PEX13: variants seen among roughly 807,000 people sequenced by gnomAD.
PEX13 encodes peroxisomal biogenesis factor 13.
A neutral mutation model predicts 34.5 loss-of-function variants in PEX13; 28 were observed. The ratio of observed to expected loss-of-function variants is 0.81; its 90% CI spans 0.60 to 1.11. PEX13 has a LOEUF of 1.11. Among genes scored for constraint, PEX13 ranks in the 50% most tolerant of loss-of-function variants. PEX13 has a pLI of 0.00. For missense variants in PEX13, 550 were observed against 491.0 expected (o/e 1.12, Z -1.13); for synonymous variants, 177 against 175.1 (o/e 1.01, Z -0.09).
Position 61,031,891 on chromosome 2 carries a change from C to T in PEX13, c.565C>T (p.Arg189Trp), listed in dbSNP as rs771451906. The change falls in exon 2 of 4, where the codon CGG becomes TGG. Residue 189 changes from arginine to tryptophan, a missense_variant. Transcript: ENST00000295030. ...FSAFALVRTI[R>W]YLYRRLQRML... Reference sequence around the variant, plus strand: ...AGCTTTTGCATTGGTTAGGACTATACGGTATCTTTACAGACGGCTACAGCG... The same window carrying T: ...AGCTTTTGCATTGGTTAGGACTATATGGTATCTTTACAGACGGCTACAGCG... 45 of 1,612,948 alleles carry T rather than the reference C, an allele frequency of 2.8e-5. No homozygotes were observed. The highest frequency in any genetic ancestry group is 9.9e-5 in the South Asian group (9 of 91,056).
intron 1 of PEX13, chr2:61,018,392 C>A: frequency 7.1e-7 from 1 of 1,401,760 alleles, no homozygotes. Flanking sequence ...GGAGAAGCAA[C>A]TTTAAAGCAG....
intron 3 of PEX13, among the ~76,000 whole-genome samples, chr2:61,046,370 G>A: frequency 6.6e-6 from 1 of 152,164 alleles, no homozygotes; most frequent in East Asian, 1.9e-4. Context: ...CCAAGTCACT[G>A]ATACTTTTTA....
At chr2:61,019,495 A>G (rs1399719144) in intron 1 of PEX13, among the ~76,000 whole-genome samples, 1 of 152,076 alleles carries the variant, frequency 6.6e-6, no homozygotes, top group Non-Finnish European at 1.5e-5. Context: ...AATCCTGTCT[A>G]CCTAGATCAG....
intron 1 of PEX13, among the ~76,000 whole-genome samples, chr2:61,025,355 TATC>T (rs1354286265): frequency 6.6e-6 from 1 of 150,524 alleles, no homozygotes; most frequent in Non-Finnish European, 1.5e-5. Flanking sequence ...TTATTATTAT[TATC>T]ATTATTATTA....
At position 61,049,359 on chromosome 2, in the gene PEX13, C is replaced by T. The variant is rs1680759560; in HGVS notation, c.*589C>T. ...TTTGAAAAGGTCACCCAGAAGCATT[C>T]TGAAGGAAATGGTTCTAGAATTATA... On this transcript the variant is annotated 3_prime_UTR_variant, in exon 4 of 4. Transcript: ENST00000295030. The T allele has an allele frequency of 6.5e-6, 1 of 153,038 alleles. No individual in the cohort carries two copies. The highest frequency in any genetic ancestry group is 2.4e-5 in the African/African-American group (1 of 41,454). The allele number at this position is 153,038 out of a possible 1,614,324, so 9.5% of individuals were successfully genotyped here.
intron 1 of PEX13, chr2:61,018,226 G>T: frequency 1.3e-6 from 2 of 1,551,022 alleles, no homozygotes; most frequent in East Asian, 2.4e-5. Context: ...CATTTGTCCA[G>T]CCACGGCATC....
At position 61,017,731 on chromosome 2, in the gene PEX13, G is replaced by A. The variant is rs1680098372; in HGVS notation, c.-29G>A. On this transcript the variant is annotated 5_prime_UTR_variant, in exon 1 of 4. Transcript: ENST00000295030. ...ACGCGGGCCTGGACAGTCAGGGGTA[G>A]GAGCGGGAGCCGAGAGGAGGCGGAG... 2.6e-6 allele frequency: 4 copies of A among 1,539,022 alleles called. No homozygotes were observed. The highest frequency in any genetic ancestry group is 3.5e-6 in the Non-Finnish European group (4 of 1,138,164).
At chr2:61,035,980 T>C (rs1271277454) in intron 2 of PEX13, among the ~76,000 whole-genome samples, 1 of 133,324 alleles carries the variant, frequency 7.5e-6, no homozygotes, top group Non-Finnish European at 1.6e-5. Flanking sequence ...CGAAACTCCA[T>C]CTTAAAAAAA....
chr2:61,044,916 G>T (rs1261286185), intron 2 of PEX13, among the ~76,000 whole-genome samples: 1 of 152,322 alleles, frequency 6.6e-6, no homozygotes, highest in Admixed American at 6.5e-5. Flanking sequence ...TACAATGCCA[G>T]AGCATTTTTT....
intron 2 of PEX13, among the ~76,000 whole-genome samples, chr2:61,035,796 C>T (rs1680525402): frequency 6.6e-6 from 1 of 151,962 alleles, no homozygotes; most frequent in African/African-American, 2.4e-5. Flanking sequence ...CCAGCCTGAC[C>T]AACATGGAGA....
At chr2:61,029,760 T>TA (rs1491192526) in intron 1 of PEX13, among the ~76,000 whole-genome samples, 1 of 151,044 alleles carries the variant, frequency 6.6e-6, no homozygotes, top group Non-Finnish European at 1.5e-5. Flanking sequence ...TGCGGTGAGC[T>TA]ATGATCATGC....
In PEX13 at chr2:61,049,286, C is replaced by T. The variant is rs1034986831; in HGVS notation, c.*516C>T. 2 of 153,354 alleles carry T rather than the reference C, an allele frequency of 1.3e-5. No individual in the cohort carries two copies. Among genetic ancestry groups the T allele is most frequent in the African/African-American group, 2.4e-5 (1 of 41,294 alleles). 9.5% of individuals were successfully genotyped at this position (153,354 alleles called of 1,614,324 possible). On this transcript the variant is annotated 3_prime_UTR_variant, in exon 4 of 4. Coordinates refer to ENST00000295030, the MANE Select transcript of PEX13 (RefSeq NM_002618.4). ...CCAGTGTTGGGTTTATATTTTCACC[C>T]ACAAACAACTGACACTGCTATCTTT...
intron 2 of PEX13, among the ~76,000 whole-genome samples, chr2:61,037,789 TAAA>T (rs1559040023): frequency 6.6e-6 from 1 of 151,842 alleles, no homozygotes; most frequent in East Asian, 1.9e-4. Flanking sequence ...GATAGAGACA[TAAA>T]AAACCCTTCA....
Position 61,031,538 on chromosome 2 carries a change from T to G in PEX13, c.212T>G (p.Phe71Cys). The change falls in exon 2 of 4, where the codon TTT (phenylalanine) becomes TGT (cysteine). Residue 71 changes from phenylalanine to cysteine, a missense_variant. Coordinates refer to ENST00000295030, the MANE Select transcript of PEX13 (RefSeq NM_002618.4). ...QQTGSSSVNT[F>C]RPAYSSFSSG... The stretch of plus-strand genomic sequence containing the variant: ...ACAGGAAGTAGCAGTGTGAACACTT[T>G]TAGACCTGCTTACAGTTCATTTTCT... 2 of 1,614,200 alleles carry G rather than the reference T, an allele frequency of 1.2e-6. No homozygotes were observed. The highest frequency in any genetic ancestry group is 1.1e-5 in the South Asian group (1 of 91,078).
chr2:61,020,729 A>G (rs1371529807), intron 1 of PEX13, among the ~76,000 whole-genome samples: 1 of 152,038 alleles, frequency 6.6e-6, no homozygotes, highest in East Asian at 1.9e-4. Context: ...ATCTTGGCTC[A>G]TGGCAACCTC....
chr2:61,043,332 TAAAAAAAAAAAA>T (rs36040457), intron 2 of PEX13, among the ~76,000 whole-genome samples: 1 of 73,720 alleles, frequency 1.4e-5, no homozygotes. Context: ...CTGTCTCTAC[TAAAAAAAAAAAA>T]AAAAAAAACA....
intron 1 of PEX13, among the ~76,000 whole-genome samples, chr2:61,030,833 T>C (rs1335537544): frequency 1.3e-5 from 2 of 151,840 alleles, no homozygotes; most frequent in Non-Finnish European, 2.9e-5. Context: ...GGACAGAAGG[T>C]AGATTCATGG....
chr2:61,048,408 A>G lies in PEX13; in HGVS notation c.914-64A>G. ...ATTTTCCTGAATGTGATATTTTACCATTACTATTCTGTTGGACCTCCAAAG... is the reference window on the plus strand; with the variant it reads ...ATTTTCCTGAATGTGATATTTTACCGTTACTATTCTGTTGGACCTCCAAAG... On this transcript the variant is annotated intron_variant, in intron 3 of 3. Transcript: ENST00000295030. The G allele has an allele frequency of 2.3e-6, 3 of 1,316,720 alleles. No individual in the cohort carries two copies. The South Asian group carries it at 3.5e-5, about 16-fold the overall frequency. 81.6% of individuals were successfully genotyped at this position (1,316,720 alleles called of 1,614,324 possible).
chr2:61,033,830 G>A (rs1288947700), intron 2 of PEX13, among the ~76,000 whole-genome samples: 1 of 152,192 alleles, frequency 6.6e-6, no homozygotes, highest in Non-Finnish European at 1.5e-5. Flanking sequence ...AGGCCAGTGT[G>A]ATTGGAGCAA....
Sources: gnomAD v4.1 joint callset for allele counts (sites outside exome capture counted in the v4.1 genomes callset) on GRCh38, gnomAD v4.1.1 for gene constraint, MANE v1.5 for transcripts, NCBI Gene and HGNC (gene_info 2026-07-23, HGNC 2026-07-21) for gene names.